Variants in PCDH15 observed in about 807,000 individuals in gnomAD.
The protein encoded by PCDH15 is protocadherin-15.
In PCDH15, 129 loss-of-function variants were observed where a neutral mutation model predicts 178.5. The observed-to-expected ratio is 0.72, with a 90% CI of 0.63 to 0.84. The LOEUF (loss-of-function observed/expected upper bound fraction) is 0.84. Ranked by LOEUF, PCDH15 falls within the 40% of genes least tolerant of loss-of-function variation. The probability of loss-of-function intolerance (pLI) is 0.00; values close to 1 mark genes in which losing one functional copy is unlikely to be tolerated. For synonymous variants in PCDH15, 800 were observed against 732.0 expected (o/e 1.09, Z -1.50); for missense variants, 2,230 against 2,099.9 (o/e 1.06, Z -1.21).
intron 2 of PCDH15, among the ~76,000 whole-genome samples, chr10:55,435,172 A>G (rs1439042143): frequency 6.6e-6 from 1 of 152,170 alleles, no homozygotes; most frequent in Non-Finnish European, 1.5e-5. Context: ...GGGGTAAAGA[A>G]AAATAAGGTG....
chr10:53,911,999 A>C (rs548431971), intron 25 of PCDH15, among the ~76,000 whole-genome samples: 62 of 152,306 alleles, frequency 4.1e-4, no homozygotes, highest in African/African-American at 1.5e-3. Flanking sequence ...ACAAAAAAAG[A>C]GAATTTTAGA....
intron 9 of PCDH15, among the ~76,000 whole-genome samples, chr10:54,214,743 A>T (rs2051824022): frequency 6.6e-6 from 1 of 152,010 alleles, no homozygotes; most frequent in Non-Finnish European, 1.5e-5. Flanking sequence ...GGCGTGTGCC[A>T]CCATGCCTGG....
At chr10:53,994,497 T>TTAGGG (rs2091725359) in intron 21 of PCDH15, 2 of 151,512 alleles carry the variant, frequency 1.3e-5, no homozygotes, top group Non-Finnish European at 2.9e-5. Flanking sequence ...AACACATATG[T>TTAGGG]TGAATAAAAT....
intron 21 of PCDH15, among the ~76,000 whole-genome samples, chr10:53,986,381 A>C (rs1010831729): frequency 6.6e-6 from 1 of 152,214 alleles, no homozygotes; most frequent in Non-Finnish European, 1.5e-5. Flanking sequence ...GGAAATGTAA[A>C]ATGGCACTGT....
Position 54,066,845 on chromosome 10 carries a change from T to C in PCDH15, c.2132A>G (p.Asn711Ser), listed in dbSNP as rs776532786. Residue 711 changes from asparagine to serine, a missense_variant, in exon 18 of 38, where the codon AAT (asparagine) becomes AGT (serine). Physicochemically the swap from Asn to Ser is conservative, Grantham distance 46. Transcript: ENST00000644397. ...AGGATCAAACACTGGAGCATTGTCA[T>C]TGACATCTGTCACCACTATGTTTAC... Reference protein sequence around the residue: ...ATVNIVVTDVNDNAPVFDPYL... With the variant: ...ATVNIVVTDVSDNAPVFDPYL... 1.2e-6 allele frequency: 2 copies of C among 1,613,470 alleles called. No homozygotes were observed. The highest frequency in any genetic ancestry group is 1.7e-6 in the Non-Finnish European group (2 of 1,179,578).
chr10:54,600,385 G>T, intron 2 of PCDH15: 1 of 551,038 alleles, frequency 1.8e-6, no homozygotes. Context: ...GGAGACCAAG[G>T]CAAAAGGCAG....
chr10:54,020,869 A>G (rs1309992062), intron 19 of PCDH15, among the ~76,000 whole-genome samples: 1 of 152,122 alleles, frequency 6.6e-6, no homozygotes, highest in African/African-American at 2.4e-5. Context: ...TTCCATAAAC[A>G]TAATAGATGG....
chr10:54,726,057 A>T (rs1317077356), intron 1 of PCDH15, among the ~76,000 whole-genome samples: 1 of 151,652 alleles, frequency 6.6e-6, no homozygotes, highest in Non-Finnish European at 1.5e-5. Context: ...CTTGCCCAAG[A>T]TCAGAATATA....
chr10:54,010,696 G>A (rs1277562019), intron 20 of PCDH15, among the ~76,000 whole-genome samples: 1 of 152,104 alleles, frequency 6.6e-6, no homozygotes. Context: ...CCCTTGGGCT[G>A]GGGAGGAACA....
intron 6 of PCDH15, among the ~76,000 whole-genome samples, chr10:54,344,662 T>TA (rs1205863809): frequency 1.3e-5 from 2 of 151,952 alleles, no homozygotes; most frequent in Non-Finnish European, 2.9e-5. Flanking sequence ...ATTAATTCTT[T>TA]AAAAAAATAC....
intron 2 of PCDH15, among the ~76,000 whole-genome samples, chr10:55,076,871 C>T (rs187876294): frequency 3.0e-4 from 45 of 147,732 alleles, no homozygotes; most frequent in Non-Finnish European, 5.6e-4. Context: ...TTGGTTCAAG[C>T]GATTCTCCTG....
At chr10:54,813,967 C>T (rs745306478) in intron 3 of PCDH15, among the ~76,000 whole-genome samples, 5 of 152,134 alleles carry the variant, frequency 3.3e-5, no homozygotes, top group Non-Finnish European at 5.9e-5. Flanking sequence ...TAAAGCATGT[C>T]ACAATCACTC....
chr10:54,199,570 C>CAACAACAATAATAATAAT (rs142287657), intron 10 of PCDH15, among the ~76,000 whole-genome samples: 1 of 142,540 alleles, frequency 7.0e-6, no homozygotes, highest in African/African-American at 2.6e-5. Flanking sequence ...ACAACAACAA[C>CAACAACAATAATAATAAT]AATAATAATA....
chr10:53,947,223 T>A (rs1040312396), intron 23 of PCDH15, among the ~76,000 whole-genome samples: 1 of 152,208 alleles, frequency 6.6e-6, no homozygotes, highest in Non-Finnish European at 1.5e-5. Context: ...ACCCAGTTTT[T>A]ACCGTATAAA....
At chr10:55,494,170 G>A (rs191837679) in intron 2 of PCDH15, among the ~76,000 whole-genome samples, 19 of 151,808 alleles carry the variant, frequency 1.3e-4, no homozygotes, top group East Asian at 9.8e-4. Flanking sequence ...TCATTTTCTT[G>A]TCAATCTTCA....
At chr10:55,162,819 A>G (rs1273827272) in intron 2 of PCDH15, among the ~76,000 whole-genome samples, 1 of 152,108 alleles carries the variant, frequency 6.6e-6, no homozygotes, top group African/African-American at 2.4e-5. Context: ...GTGAAGTCAG[A>G]CCCAGGTTTG....
At chr10:54,322,062 T>C (rs997982397) in intron 7 of PCDH15, among the ~76,000 whole-genome samples, 3 of 151,840 alleles carry the variant, frequency 2.0e-5, no homozygotes, top group East Asian at 3.9e-4. Context: ...AAAATAATCC[T>C]TCAGCAATTG....
chr10:53,966,917 TTTTAAAGACAGGATCTTGTGTTG>T, intron 21 of PCDH15, among the ~76,000 whole-genome samples: 1 of 152,000 alleles, frequency 6.6e-6, no homozygotes, highest in African/African-American at 2.4e-5. Context: ...TGTATATATA[TTTTAAAGACAGGATCTTGTGTTG>T]TCACCCAGGC....
rs544999278 is a variant in PCDH15 at position 54,640,292 on chromosome 10, A to AT, written c.91+23879dup. 3.9e-3 allele frequency among the ~76,000 whole-genome samples: 568 copies of AT among 146,550 alleles called. 2 individuals are homozygous for AT. The highest frequency in any genetic ancestry group is 5.2e-3 in the Non-Finnish European group (341 of 66,166). On this transcript the variant is annotated intron_variant, in intron 2 of 37. Coordinates refer to ENST00000644397, the MANE Select transcript of PCDH15 (RefSeq NM_001384140.1). ...TTGGAAATTTTCTGCCTTCCTGATA[A>AT]TTTTTTTTTTTTTAGAAAATCAGGG...
Sources: allele counts gnomAD v4.1 joint callset (sites outside exome capture counted in the v4.1 genomes callset), GRCh38; gene constraint gnomAD v4.1.1; transcripts MANE v1.5; gene names NCBI Gene and HGNC (gene_info 2026-07-23, HGNC 2026-07-21).